Variants in ADAMTS12 observed in about 807,000 individuals in gnomAD.
ADAMTS12 encodes the protein ADAM metallopeptidase with thrombospondin type 1 motif 12.
ADAMTS12 carries 118 observed loss-of-function variants against 167.8 expected under a neutral mutation model. The ratio of observed to expected loss-of-function variants is 0.70; its 90% confidence interval spans 0.61 to 0.82. The LOEUF (loss-of-function observed/expected upper bound fraction) is 0.82. Among genes scored for constraint, ADAMTS12 ranks in the 40% least tolerant of loss-of-function variants. ADAMTS12 has a pLI of 0.00. For missense variants in ADAMTS12, 1,916 were observed against 1,998.8 expected (o/e 0.96, Z 0.79); for synonymous variants, 704 against 716.9 (o/e 0.98, Z 0.29).
intron 18 of ADAMTS12, among the ~76,000 whole-genome samples, chr5:33,584,671 C>A (rs1392935272): frequency 6.6e-6 from 1 of 152,200 alleles, no homozygotes; most frequent in African/African-American, 2.4e-5. Context: ...TTATTCAATT[C>A]TTACAATAAT....
intron 3 of ADAMTS12, among the ~76,000 whole-genome samples, chr5:33,705,302 T>TGTGTGC (rs1491430613): frequency 1.2e-4 from 17 of 147,646 alleles, no homozygotes; most frequent in African/African-American, 4.2e-4. Context: ...TGTGTGTGTG[T>TGTGTGC]GCGTGTATAC....
intron 19 of ADAMTS12, among the ~76,000 whole-genome samples, chr5:33,568,059 G>T (rs971811910): frequency 4.6e-5 from 7 of 152,166 alleles, no homozygotes; most frequent in African/African-American, 1.7e-4. Flanking sequence ...TTAAATGAGA[G>T]AATTTATGCT....
intron 2 of ADAMTS12, among the ~76,000 whole-genome samples, chr5:33,849,810 AAT>A (rs1370091929): frequency 6.6e-6 from 1 of 150,428 alleles, no homozygotes; most frequent in African/African-American, 2.4e-5. Flanking sequence ...ATTGCATAGC[AAT>A]ATATACATTG....
intron 23 of ADAMTS12, among the ~76,000 whole-genome samples, chr5:33,530,541 G>T (rs750124940): frequency 6.6e-6 from 1 of 152,200 alleles, no homozygotes; most frequent in Non-Finnish European, 1.5e-5. Context: ...CAGGTGGGGC[G>T]GCTCTTTGCC....
chr5:33,761,530 A>G (rs1745357383), intron 2 of ADAMTS12, among the ~76,000 whole-genome samples: 1 of 152,206 alleles, frequency 6.6e-6, no homozygotes, highest in Non-Finnish European at 1.5e-5. Context: ...AATGAAGAGG[A>G]GGTCGAGTGA....
At chr5:33,795,919 T>G (rs1026031582) in intron 2 of ADAMTS12, among the ~76,000 whole-genome samples, 3 of 152,226 alleles carry the variant, frequency 2.0e-5, no homozygotes, top group Non-Finnish European at 4.4e-5. Flanking sequence ...GAGTCCATTC[T>G]CTCTTCCATT....
At chr5:33,763,644 C>T (rs1216736819) in intron 2 of ADAMTS12, among the ~76,000 whole-genome samples, 1 of 152,210 alleles carries the variant, frequency 6.6e-6, no homozygotes, top group African/African-American at 2.4e-5. Flanking sequence ...AGGTCCATGA[C>T]ATTAGGGCAT....
intron 3 of ADAMTS12, among the ~76,000 whole-genome samples, chr5:33,704,706 T>G (rs1743126887): frequency 6.6e-6 from 1 of 152,210 alleles, no homozygotes; most frequent in African/African-American, 2.4e-5. Context: ...TATGTGCTAT[T>G]GAGTTGTAGG....
chr5:33,605,090 C>T (rs961661662), intron 16 of ADAMTS12, among the ~76,000 whole-genome samples: 5 of 152,188 alleles, frequency 3.3e-5, no homozygotes, highest in African/African-American at 4.8e-5. Context: ...TGTTCTTTGT[C>T]GCAGTGAATG....
intron 11 of ADAMTS12, 112 bp downstream of exon 11, chr5:33,641,698 T>G: frequency 1.8e-6 from 2 of 1,107,172 alleles, no homozygotes; most frequent in Non-Finnish European, 2.4e-6. Context: ...GGGAACCCAT[T>G]TAATTTACCT....
chr5:33,614,767 A>C (rs1738903908), intron 15 of ADAMTS12, among the ~76,000 whole-genome samples: 1 of 152,200 alleles, frequency 6.6e-6, no homozygotes, highest in African/African-American at 2.4e-5. Context: ...AGCTTTGTGA[A>C]TATAGGTAAG....
At chr5:33,584,532 C>G (rs535441605) in intron 18 of ADAMTS12, among the ~76,000 whole-genome samples, 1 of 152,120 alleles carries the variant, frequency 6.6e-6, no homozygotes, top group Non-Finnish European at 1.5e-5. Flanking sequence ...CATTTGGGTA[C>G]GACTGATTGA....
At chr5:33,733,590 G>A (rs1365312384) in intron 3 of ADAMTS12, among the ~76,000 whole-genome samples, 1 of 152,166 alleles carries the variant, frequency 6.6e-6, no homozygotes, top group East Asian at 1.9e-4. Context: ...TGAATGGATT[G>A]GTCTTGGCCA....
In ADAMTS12 at chr5:33,525,522, G is replaced by A. The variant is rs532398986; in HGVS notation, c.*1666C>T. ...GCATTGGTCAGCAACACCGTTACATGTTTAACAGAAGATGTATATGGAGAG... is the reference window on the plus strand; with the variant it reads ...GCATTGGTCAGCAACACCGTTACATATTTAACAGAAGATGTATATGGAGAG... On this transcript the variant is annotated 3_prime_UTR_variant, in exon 24 of 24. Coordinates refer to ENST00000504830, the MANE Select transcript of ADAMTS12 (RefSeq NM_030955.4). 1 of 152,282 alleles carries A rather than the reference G, an allele frequency of 6.6e-6. No homozygotes were observed. The highest frequency in any genetic ancestry group is 1.5e-5 in the Non-Finnish European group (1 of 68,012). 9.4% of individuals were successfully genotyped at this position (152,282 alleles called of 1,614,324 possible). A position where few individuals can be genotyped will look rare whatever the true frequency, so the allele number is the denominator to read the frequency against.
intron 19 of ADAMTS12, 63 bp downstream of exon 19, chr5:33,575,991 A>T (rs1746685022): frequency 1.3e-6 from 2 of 1,531,058 alleles, no homozygotes; most frequent in Non-Finnish European, 1.7e-6. Context: ...AAATTTTCAC[A>T]TGAATTTAAC....
chr5:33,576,145 A>T lies in ADAMTS12; in HGVS notation c.3881T>A (p.Ile1294Asn). 6.2e-7 allele frequency: 1 copy of T among 1,614,190 alleles called. No homozygotes were observed. Among genetic ancestry groups the T allele is most frequent in the Middle Eastern group, 1.6e-4 (1 of 6,062 alleles). The change falls in exon 19 of 24, where the codon ATT becomes AAT. Residue 1294 changes from isoleucine to asparagine, a missense_variant. Physicochemically the swap from Ile to Asn is moderately radical, Grantham distance 149. Coordinates refer to ENST00000504830, the MANE Select transcript of ADAMTS12 (RefSeq NM_030955.4). ...GGCATTTAGCAAAAAGCCCTCAGTAATCAGACTTGTTGCATCCTCCTCAGT... is the reference window on the plus strand; with the variant it reads ...GGCATTTAGCAAAAAGCCCTCAGTATTCAGACTTGTTGCATCCTCCTCAGT... ...VLTEEDATSLITEGFLLNASN... is the reference protein window; with the variant it reads ...VLTEEDATSLNTEGFLLNASN...
chr5:33,566,309 T>TA (rs1398376581), intron 19 of ADAMTS12, among the ~76,000 whole-genome samples: 1 of 151,956 alleles, frequency 6.6e-6, no homozygotes, highest in Admixed American at 6.6e-5. Context: ...CAAAAAATAA[T>TA]AAAAAAATTA....
intron 5 of ADAMTS12, among the ~76,000 whole-genome samples, chr5:33,675,846 A>C (rs750609475): frequency 3.3e-5 from 5 of 152,188 alleles, no homozygotes; most frequent in Non-Finnish European, 7.3e-5. Flanking sequence ...AATAGTAATT[A>C]GTTATGGATT....
intron 2 of ADAMTS12, among the ~76,000 whole-genome samples, chr5:33,778,259 G>A (rs140652131): frequency 2.3e-4 from 35 of 152,214 alleles, no homozygotes; most frequent in African/African-American, 8.4e-4. Flanking sequence ...AACATTACCT[G>A]ATTTCAAAAT....
Sources: gnomAD v4.1 joint callset for allele counts (sites outside exome capture counted in the v4.1 genomes callset) on GRCh38, gnomAD v4.1.1 for gene constraint, MANE v1.5 for transcripts, NCBI Gene and HGNC (gene_info 2026-07-23, HGNC 2026-07-21) for gene names.